KCTD8: variants seen among roughly 807,000 people sequenced by gnomAD.
The protein encoded by KCTD8 is BTB/POZ domain-containing protein KCTD8.
A neutral mutation model predicts 31.5 loss-of-function variants in KCTD8; 27 were observed. The ratio of observed to expected loss-of-function variants is 0.86; its 90% CI spans 0.63 to 1.18. The LOEUF (loss-of-function observed/expected upper bound fraction) is 1.18. Ranked by LOEUF, KCTD8 falls within the 50% of genes most tolerant of loss-of-function variation. KCTD8 has a pLI of 0.00. For synonymous variants in KCTD8, 290 were observed against 280.0 expected (o/e 1.04, Z -0.36); for missense variants, 658 against 647.7 (o/e 1.02, Z -0.17).
intron 1 of KCTD8, among the ~76,000 whole-genome samples, chr4:44,444,531 C>T (rs1452761257): frequency 6.6e-6 from 1 of 151,938 alleles, no homozygotes; most frequent in East Asian, 1.9e-4. Context: ...AAAACAGTAA[C>T]ATATTACAAT....
intron 1 of KCTD8, among the ~76,000 whole-genome samples, chr4:44,394,171 A>T (rs1325260342): frequency 6.6e-6 from 1 of 152,042 alleles, no homozygotes; most frequent in Non-Finnish European, 1.5e-5. Context: ...TCAGAACAAA[A>T]AATATAATCT....
chr4:44,363,033 T>G (rs1182045029), intron 1 of KCTD8, among the ~76,000 whole-genome samples: 1 of 152,112 alleles, frequency 6.6e-6, no homozygotes, highest in Non-Finnish European at 1.5e-5. Flanking sequence ...TTTTTTAGAT[T>G]GATATTTTCA....
Position 44,243,500 on chromosome 4 carries a change from A to T in KCTD8, c.962-68250T>A, listed in dbSNP as rs770530681. ...CTTTTAGAGATAATTTCCACAGTGT[A>T]AGGGCAGGGCTCTTCATAAATAAAG... On this transcript the variant is annotated intron_variant, in intron 1 of 1. Transcript: ENST00000360029. Among the ~76,000 whole-genome samples, 3 of 152,188 alleles carry T rather than the reference A, an allele frequency of 2.0e-5. No homozygotes were observed. The East Asian group carries it at 5.8e-4, about 29-fold the overall frequency.
intron 1 of KCTD8, among the ~76,000 whole-genome samples, chr4:44,382,590 C>T (rs1161475700): frequency 1.3e-5 from 2 of 151,724 alleles, no homozygotes; most frequent in Admixed American, 6.6e-5. Flanking sequence ...ATTACCCGGG[C>T]GTGGTGGTGG....
chr4:44,261,030 T>G (rs780780317), intron 1 of KCTD8, among the ~76,000 whole-genome samples: 2 of 151,958 alleles, frequency 1.3e-5, no homozygotes, highest in Non-Finnish European at 2.9e-5. Context: ...ACTATGGTCT[T>G]CGTGGTGGGG....
intron 1 of KCTD8, among the ~76,000 whole-genome samples, chr4:44,244,223 T>G (rs1391732702): frequency 6.6e-6 from 1 of 152,122 alleles, no homozygotes; most frequent in African/African-American, 2.4e-5. Context: ...CCTAAACAGG[T>G]TTTCTTCCTT....
At chr4:44,363,911 T>C (rs1305544251) in intron 1 of KCTD8, among the ~76,000 whole-genome samples, 1 of 152,112 alleles carries the variant, frequency 6.6e-6, no homozygotes, top group Non-Finnish European at 1.5e-5. Flanking sequence ...AATTTAAACA[T>C]AGATCTTATA....
chr4:44,277,380 C>T (rs1716780235), intron 1 of KCTD8, among the ~76,000 whole-genome samples: 1 of 151,668 alleles, frequency 6.6e-6, no homozygotes, highest in Non-Finnish European at 1.5e-5. Context: ...CTTATCTAGG[C>T]CATAAGATCC....
rs189835049 is a variant in KCTD8 at position 44,343,261 on chromosome 4, C to T, written c.961+104302G>A. Among the ~76,000 whole-genome samples the T allele has an allele frequency of 1.5e-3, 228 of 152,112 alleles. 2 individuals carry two copies. Among genetic ancestry groups the T allele is most frequent in the Non-Finnish European group, 1.3e-3 (86 of 68,008 alleles). ...GCATGATTAGTAATTGGCCTGATTACAATATTGTTGTGTCTCAGAGATTAG... is the reference window on the plus strand; with the variant it reads ...GCATGATTAGTAATTGGCCTGATTATAATATTGTTGTGTCTCAGAGATTAG... On this transcript the variant is annotated intron_variant, in intron 1 of 1. Transcript: ENST00000360029.
chr4:44,182,218 A>G (rs1157920136), intron 1 of KCTD8, among the ~76,000 whole-genome samples: 1 of 128,418 alleles, frequency 7.8e-6, no homozygotes, highest in East Asian at 2.6e-4. Flanking sequence ...GGTGGGGGGC[A>G]CCTCTGCCCG....
At chr4:44,276,515 A>C (rs1022666979) in intron 1 of KCTD8, among the ~76,000 whole-genome samples, 1 of 151,962 alleles carries the variant, frequency 6.6e-6, no homozygotes, top group Non-Finnish European at 1.5e-5. Flanking sequence ...TGTGGTAATA[A>C]ATATTCTTTA....
chr4:44,174,858 T>A lies in KCTD8; in HGVS notation c.1354A>T (p.Ile452Phe), dbSNP rs1277768423. 1 of 1,613,996 alleles carries A rather than the reference T, an allele frequency of 6.2e-7. No homozygotes were observed. The highest frequency in any genetic ancestry group is 8.5e-7 in the Non-Finnish European group (1 of 1,179,950). ...TTGCGCTCTGGAAAATAATCTGGAA[T>A]GTGGATTTTTTTAAAATCCTGAATA... is the stretch of plus-strand genomic sequence containing the variant. ...KCIQDFKKIH[I>F]PDYFPERKRQ... Residue 452 changes from isoleucine to phenylalanine, a missense_variant, in exon 2 of 2, where the codon ATT becomes TTT. By Grantham distance (21) the Ile-to-Phe change is conservative. Coordinates refer to ENST00000360029, the MANE Select transcript of KCTD8 (RefSeq NM_198353.3).
intron 1 of KCTD8, among the ~76,000 whole-genome samples, chr4:44,409,107 G>A (rs1720892147): frequency 6.6e-6 from 1 of 151,784 alleles, no homozygotes; most frequent in Non-Finnish European, 1.5e-5. Context: ...GCAGGGAGTG[G>A]TAGGGCGTGC....
rs1450516848 is a variant in KCTD8, at chr4:44,175,004, G to T, written c.1208C>A (p.Pro403Gln). 1.2e-6 allele frequency: 2 copies of T among 1,614,108 alleles called. No homozygotes were observed. The highest frequency in any genetic ancestry group is 2.2e-5 in the East Asian group (1 of 44,880). Residue 403 changes from proline to glutamine, a missense_variant, in exon 2 of 2, where the codon CCA (proline) becomes CAA (glutamine). Pro to Gln is a moderately conservative substitution (Grantham distance 76). Coordinates refer to ENST00000360029, the MANE Select transcript of KCTD8 (RefSeq NM_198353.3). The part of the protein sequence containing the change: ...SKKAPVQWIP[P>Q]PDKRRNSELF... Reference sequence around the variant, plus strand: ...TTCACTGTTTCTGCGTTTGTCTGGTGGGGGTATCCATTGTACAGGTGCTTT... The same window carrying T: ...TTCACTGTTTCTGCGTTTGTCTGGTTGGGGTATCCATTGTACAGGTGCTTT...
intron 1 of KCTD8, among the ~76,000 whole-genome samples, chr4:44,319,229 A>G (rs1005169659): frequency 1.3e-5 from 2 of 152,198 alleles, no homozygotes; most frequent in African/African-American, 4.8e-5. Flanking sequence ...GATAGGTATC[A>G]TTGTTTTGTA....
chr4:44,404,688 A>G (rs79578909), intron 1 of KCTD8, among the ~76,000 whole-genome samples: 1,764 of 152,280 alleles, frequency 0.012, 15 homozygotes, highest in Middle Eastern at 0.02. Flanking sequence ...AAATAATGAG[A>G]CAGAAAAATT....
In KCTD8 at chr4:44,390,171, T is replaced by G. The variant is rs373550704; in HGVS notation, c.961+57392A>C. Among the ~76,000 whole-genome samples the G allele has an allele frequency of 1.3e-4, 20 of 152,200 alleles. No homozygotes were observed. In the East Asian group the frequency reaches 3.9e-3, roughly 29 times the overall value. The stretch of plus-strand genomic sequence containing the variant: ...CCCATCTATTTATTACTGTTTTTGT[T>G]GCATATGCTTTTGGGTTATTGGTCA... On this transcript the variant is annotated intron_variant, in intron 1 of 1. Transcript: ENST00000360029.
At chr4:44,303,509 A>C in intron 1 of KCTD8, among the ~76,000 whole-genome samples, 1 of 152,042 alleles carries the variant, frequency 6.6e-6, no homozygotes, top group East Asian at 1.9e-4. Context: ...ATTTGCTTAG[A>C]GGTGTAATAA....
intron 1 of KCTD8, among the ~76,000 whole-genome samples, chr4:44,369,109 A>G (rs1385592674): frequency 3.9e-5 from 6 of 152,210 alleles, no homozygotes. Context: ...TTAAGGGGAA[A>G]AAGTCAGAGT....
Sources: allele counts gnomAD v4.1 joint callset (sites outside exome capture counted in the v4.1 genomes callset), GRCh38; gene constraint gnomAD v4.1.1; transcripts MANE v1.5; gene names NCBI Gene and HGNC (gene_info 2026-07-23, HGNC 2026-07-21).